Variants in NAPB observed in about 807,000 individuals in gnomAD.
NAPB encodes the protein beta-soluble NSF attachment protein.
A neutral mutation model predicts 44.7 loss-of-function variants in NAPB; 26 were observed. That is an observed-to-expected ratio of 0.58 (90% CI 0.43 to 0.81). The LOEUF is 0.81. NAPB is among the 30% of genes least tolerant of loss of function. The pLI is 0.00. For missense variants in NAPB, 315 were observed against 356.4 expected (o/e 0.88, Z 0.94); for synonymous variants, 120 against 116.8 (o/e 1.03, Z -0.18).
chr20:23,408,695 G>C (rs1218329811), intron 1 of NAPB, among the ~76,000 whole-genome samples: 1 of 152,160 alleles, frequency 6.6e-6, no homozygotes, highest in Non-Finnish European at 1.5e-5. Context: ...CAAAAGTAGA[G>C]ATTTCTTCCG....
At chr20:23,399,760 G>A (rs1292994405) in intron 2 of NAPB, among the ~76,000 whole-genome samples, 2 of 152,240 alleles carry the variant, frequency 1.3e-5, no homozygotes, top group African/African-American at 2.4e-5. Context: ...TGGCAACTCA[G>A]GAACATATCT....
At chr20:23,393,451 C>T (rs1345483375) in intron 5 of NAPB, among the ~76,000 whole-genome samples, 1 of 152,174 alleles carries the variant, frequency 6.6e-6, no homozygotes, top group East Asian at 1.9e-4. Context: ...GCAGATCCTT[C>T]CCCAGACCAG....
At chr20:23,416,172 A>C (rs1340962511) in intron 1 of NAPB, among the ~76,000 whole-genome samples, 1 of 152,182 alleles carries the variant, frequency 6.6e-6, no homozygotes, top group African/African-American at 2.4e-5. Context: ...CAGCAACAAA[A>C]CAGGCAGACT....
At chr20:23,418,060 C>T (rs944836495) in intron 1 of NAPB, among the ~76,000 whole-genome samples, 1 of 152,182 alleles carries the variant, frequency 6.6e-6, no homozygotes, top group Non-Finnish European at 1.5e-5. Context: ...ATAGAGCATT[C>T]AGAATGTCTG....
chr20:23,386,972 T>C (rs1983575553), intron 7 of NAPB, among the ~76,000 whole-genome samples: 1 of 152,152 alleles, frequency 6.6e-6, no homozygotes, highest in South Asian at 2.1e-4. Flanking sequence ...TAAGGTTGGT[T>C]CAACATATGA....
At chr20:23,391,394 T>C (rs148725064) in intron 5 of NAPB, among the ~76,000 whole-genome samples, 35 of 152,324 alleles carry the variant, frequency 2.3e-4, no homozygotes, top group African/African-American at 7.2e-4. Flanking sequence ...GATGATAGTG[T>C]GTGCTGCTGT....
intron 1 of NAPB, among the ~76,000 whole-genome samples, chr20:23,420,008 G>C (rs751472059): frequency 1.1e-4 from 17 of 148,238 alleles, no homozygotes; most frequent in Admixed American, 1.1e-3. Context: ...AACTGAATGT[G>C]TACAGAAATA....
chr20:23,407,739 G>GA (rs1985353757), intron 1 of NAPB, among the ~76,000 whole-genome samples: 1 of 152,138 alleles, frequency 6.6e-6, no homozygotes, highest in Admixed American at 6.5e-5. Context: ...AAGGGTCTGA[G>GA]AAAAAGCCTA....
intron 7 of NAPB, among the ~76,000 whole-genome samples, chr20:23,385,403 G>T (rs1242097429): frequency 2.0e-5 from 3 of 152,158 alleles, no homozygotes; most frequent in Non-Finnish European, 4.4e-5. Context: ...AGAAGAGTCA[G>T]ACAAATCCAC....
rs1982464917 is a variant in NAPB at position 23,375,749 on chromosome 20, T to C, written c.*1627A>G. ...AGTAGTGGGGACTACAGTGCACCTG[T>C]AGTCCCAGTAGATGCTCTGACATCA... On this transcript the variant is annotated 3_prime_UTR_variant, in exon 11 of 11. Transcript: ENST00000377026. 2 of 152,194 alleles carry C rather than the reference T, an allele frequency of 1.3e-5. No individual in the cohort carries two copies. The highest frequency in any genetic ancestry group is 4.8e-5 in the African/African-American group (2 of 41,436). The allele number at this position is 152,194 out of a possible 1,614,324, so 9.4% of individuals were successfully genotyped here. A position where few individuals can be genotyped will look rare whatever the true frequency, so the allele number is the denominator to read the frequency against.
At chr20:23,379,144 T>G in intron 10 of NAPB, 1 of 264,836 alleles carries the variant, frequency 3.8e-6, no homozygotes, top group Non-Finnish European at 7.1e-6. Flanking sequence ...TACTTATTTA[T>G]GGGTCAGATT....
At chr20:23,420,920 G>A (rs1205298333) in intron 1 of NAPB, among the ~76,000 whole-genome samples, 1 of 151,468 alleles carries the variant, frequency 6.6e-6, no homozygotes, top group Non-Finnish European at 1.5e-5. Context: ...GAGACTCTGG[G>A]GATTCTAAGG....
At chr20:23,397,032 T>C in intron 3 of NAPB, 40 bp downstream of exon 3, 1 of 1,591,826 alleles carries the variant, frequency 6.3e-7, no homozygotes, top group Non-Finnish European at 8.6e-7. Context: ...ACTGGTTAGT[T>C]ACACACAGAG....
intron 7 of NAPB, among the ~76,000 whole-genome samples, chr20:23,386,329 AAAC>A (rs1983518575): frequency 6.6e-6 from 1 of 152,216 alleles, no homozygotes; most frequent in Non-Finnish European, 1.5e-5. Context: ...GTGAAAATAA[AAAC>A]AAAAAAAGAG....
intron 1 of NAPB, among the ~76,000 whole-genome samples, chr20:23,407,213 C>T (rs1319822189): frequency 1.3e-5 from 2 of 152,186 alleles, no homozygotes; most frequent in Non-Finnish European, 2.9e-5. Context: ...AAAAAAGGTA[C>T]TTTTGAAATT....
At chr20:23,418,320 T>C (rs1986143682) in intron 1 of NAPB, among the ~76,000 whole-genome samples, 1 of 152,184 alleles carries the variant, frequency 6.6e-6, no homozygotes, top group South Asian at 2.1e-4. Context: ...AATGGTGACA[T>C]TCTATAGCTA....
intron 7 of NAPB, among the ~76,000 whole-genome samples, chr20:23,389,104 T>C (rs990006702): frequency 5.9e-5 from 9 of 151,996 alleles, no homozygotes; most frequent in Non-Finnish European, 1.3e-4. Context: ...GGAATAGACA[T>C]TTCTCCAAAG....
intron 2 of NAPB, among the ~76,000 whole-genome samples, chr20:23,398,358 GA>G (rs925140779): frequency 8.6e-5 from 13 of 151,330 alleles, no homozygotes; most frequent in African/African-American, 2.4e-4. Flanking sequence ...TTTTTGTGAG[GA>G]AAAAAAATCC....
intron 7 of NAPB, among the ~76,000 whole-genome samples, chr20:23,386,816 G>A (rs6132606): frequency 0.076 from 11,566 of 152,196 alleles, 671 homozygotes; most frequent in East Asian, 0.3. Context: ...ATCTGTACCC[G>A]TTTGCTGTAA....
Sources: allele counts gnomAD v4.1 joint callset (sites outside exome capture counted in the v4.1 genomes callset), GRCh38; gene constraint gnomAD v4.1.1; transcripts MANE v1.5; gene names NCBI Gene and HGNC (gene_info 2026-07-23, HGNC 2026-07-21).